PCDHA6: variants seen among roughly 807,000 people sequenced by gnomAD.
PCDHA6 encodes protocadherin alpha 6, also known as protocadherin alpha-6.
PCDHA6 carries 55 observed loss-of-function variants against 60.3 expected under a neutral mutation model. The observed-to-expected ratio is 0.91, with a 90% CI of 0.73 to 1.14. PCDHA6 has a LOEUF of 1.14. Among genes scored for constraint, PCDHA6 ranks in the 50% most tolerant of loss-of-function variants. PCDHA6 has a pLI of 0.00. For missense variants in PCDHA6, 1,327 were observed against 1,256.5 expected (o/e 1.06, Z -0.85); for synonymous variants, 652 against 557.9 (o/e 1.17, Z -2.38).
intron 1 of PCDHA6, chr5:140,858,027 C>T: frequency 1.3e-6 from 2 of 1,596,754 alleles, no homozygotes; most frequent in Non-Finnish European, 1.7e-6. Flanking sequence ...TCGCTGACGG[C>T]CACGGCCACT....
At chr5:140,942,821 G>A (rs2093373988) in intron 1 of PCDHA6, among the ~76,000 whole-genome samples, 1 of 151,968 alleles carries the variant, frequency 6.6e-6, no homozygotes, top group African/African-American at 2.4e-5. Flanking sequence ...GTTGGATTTG[G>A]CCCTGTGTCA....
At chr5:140,858,604 A>AT (rs2045515312) in intron 1 of PCDHA6, 6 of 1,276,560 alleles carry the variant, frequency 4.7e-6, no homozygotes, top group Non-Finnish European at 4.3e-6. Context: ...GAGTTTTAAA[A>AT]TTTTTTTATC....
intron 1 of PCDHA6, chr5:140,869,061 G>A: frequency 6.4e-7 from 1 of 1,558,266 alleles, no homozygotes; most frequent in South Asian, 1.2e-5. Flanking sequence ...ATCTGGTACT[G>A]TAAGTGTAAA....
rs562972971 is a variant in PCDHA6, at chr5:140,960,395, A to AG, written c.2395-18547dup. 1.1e-4 allele frequency among the ~76,000 whole-genome samples: 17 copies of AG among 152,266 alleles called. No individual in the cohort carries two copies. The Middle Eastern group carries it at 0.014, about 123-fold the overall frequency. ...TTAAGTGCCAAGACATTAGGATGCAAGGGGGGGTGCCCAAAAAGTCAACAA... is the reference window on the plus strand; with the variant it reads ...TTAAGTGCCAAGACATTAGGATGCAAGGGGGGGGTGCCCAAAAAGTCAACAA... On this transcript the variant is annotated intron_variant, in intron 1 of 3. Coordinates refer to ENST00000529310, the MANE Select transcript of PCDHA6 (RefSeq NM_018909.4).
chr5:140,882,002 G>A (rs2153382146), intron 1 of PCDHA6: 1 of 489,088 alleles, frequency 2.0e-6, no homozygotes, highest in South Asian at 5.2e-5. Context: ...AAATGCAAGG[G>A]GCAAAAAAAT....
Position 140,968,192 on chromosome 5 carries a change from A to G in PCDHA6, c.2395-10757A>G, listed in dbSNP as rs555596025. The G allele has an allele frequency of 2.5e-6, 4 of 1,614,038 alleles. No individual in the cohort carries two copies. The Admixed American group carries it at 5.0e-5, about 20-fold the overall frequency. ...AAGCTTCCTGGAGGACTCCTATTCC[A>G]TCTACATACAGGAGAACAATTTGCC... On this transcript the variant is annotated intron_variant, in intron 1 of 3. Coordinates refer to ENST00000529310, the MANE Select transcript of PCDHA6 (RefSeq NM_018909.4).
chr5:140,939,634 G>T (rs1032922800), intron 1 of PCDHA6, among the ~76,000 whole-genome samples: 12 of 152,184 alleles, frequency 7.9e-5, no homozygotes, highest in South Asian at 4.1e-4. Flanking sequence ...AATCAATAAG[G>T]GTACTGAAAA....
At position 140,997,702 on chromosome 5, in the gene PCDHA6, T is replaced by A. The variant is rs548432387; in HGVS notation, c.2543-11925T>A. Reference sequence around the variant, plus strand: ...TGTGTGTGTGTGTGTGTGTGTATGTTAACAAACACCTTTCTACGTCAGTAC... The same window carrying A: ...TGTGTGTGTGTGTGTGTGTGTATGTAAACAAACACCTTTCTACGTCAGTAC... On this transcript the variant is annotated intron_variant, in intron 3 of 3. Coordinates refer to ENST00000529310, the MANE Select transcript of PCDHA6 (RefSeq NM_018909.4). 1.4e-3 allele frequency among the ~76,000 whole-genome samples: 209 copies of A among 150,856 alleles called. 1 individual carries two copies. The highest frequency in any genetic ancestry group is 4.8e-3 in the African/African-American group (199 of 41,058).
At chr5:140,848,502 T>C (rs2150411498) in intron 1 of PCDHA6, 1 of 1,586,510 alleles carries the variant, frequency 6.3e-7, no homozygotes, top group Non-Finnish European at 8.6e-7. Context: ...TGAAATGTTA[T>C]ACTCAAGTCG....
rs782499527 is a variant in PCDHA6, at chr5:140,871,070, C to T, written c.2394+40585C>T. ...GTACTGGTGAAGGATCACGGTGAGC[C>T]GGCGCTGACGGCCACGGCCACCGTG... On this transcript the variant is annotated intron_variant, in intron 1 of 3. Transcript: ENST00000529310. 11 of 1,613,094 alleles carry T rather than the reference C, an allele frequency of 6.8e-6. No homozygotes were observed. The South Asian group carries it at 9.9e-5, about 14-fold the overall frequency.
chr5:140,853,383 A>G lies in PCDHA6; in HGVS notation c.2394+22898A>G, dbSNP rs896759512. ...GGATCCAGAGATGGTAAAATTCAAA[A>G]CAGCCTGTCAAGTTCAAAACAGAGA... On this transcript the variant is annotated intron_variant, in intron 1 of 3. Transcript: ENST00000529310. The G allele has an allele frequency of 5.1e-6, 5 of 985,712 alleles. No individual in the cohort carries two copies. In the South Asian group the frequency reaches 2.4e-4, roughly 47 times the overall value. The allele number at this position is 985,712 out of a possible 1,614,324, so 61.1% of individuals were successfully genotyped here. A position where few individuals can be genotyped will look rare whatever the true frequency, so the allele number is the denominator to read the frequency against.
At chr5:140,859,397 A>C in intron 1 of PCDHA6, 1 of 262,266 alleles carries the variant, frequency 3.8e-6, no homozygotes, top group Non-Finnish European at 6.9e-6. Flanking sequence ...CATCTTAAAC[A>C]GGGTTGGGTT....
chr5:140,841,919 T>G, intron 1 of PCDHA6: 3 of 1,613,892 alleles, frequency 1.9e-6, no homozygotes, highest in Non-Finnish European at 2.5e-6. Flanking sequence ...AAGAAAATCC[T>G]TGGACAGAGA....
intron 1 of PCDHA6, chr5:140,843,530 C>G (rs2150362147): frequency 1.3e-6 from 2 of 1,595,838 alleles, no homozygotes; most frequent in African/African-American, 1.3e-5. Flanking sequence ...GGCGGGCAAG[C>G]CCACTCTGGT....
At chr5:140,835,713 G>A (rs1490262611) in intron 1 of PCDHA6, 1 of 1,613,696 alleles carries the variant, frequency 6.2e-7, no homozygotes, top group African/African-American at 1.3e-5. Context: ...CGTGTCCGTG[G>A]AGGTGGCCGA....
intron 1 of PCDHA6, chr5:140,883,519 C>A: frequency 6.2e-7 from 1 of 1,614,190 alleles, no homozygotes; most frequent in Non-Finnish European, 8.5e-7. Flanking sequence ...ACCGCGAGAG[C>A]GTATCAGCCT....
chr5:140,856,649 C>T, intron 1 of PCDHA6: 1 of 1,598,072 alleles, frequency 6.3e-7, no homozygotes, highest in South Asian at 1.1e-5. Context: ...GCTGCTGGAT[C>T]GTGAAGAAAA....
At chr5:140,903,824 T>A (rs1439298617) in intron 1 of PCDHA6, among the ~76,000 whole-genome samples, 3 of 152,202 alleles carry the variant, frequency 2.0e-5, no homozygotes, top group Admixed American at 2.0e-4. Context: ...CACATGAATG[T>A]CTGTTGGTAT....
At chr5:140,870,746 T>A in intron 1 of PCDHA6, 1 of 1,613,488 alleles carries the variant, frequency 6.2e-7, no homozygotes, top group South Asian at 1.1e-5. Flanking sequence ...AGCAGCAACG[T>A]GACGCTGCAG....
Sources: allele counts gnomAD v4.1 joint callset (sites outside exome capture counted in the v4.1 genomes callset), GRCh38; gene constraint gnomAD v4.1.1; transcripts MANE v1.5; gene names NCBI Gene and HGNC (gene_info 2026-07-23, HGNC 2026-07-21).